The following MATCAP2 variants were observed in gnomAD, a reference collection of about 807,000 sequenced individuals.
MATCAP2 encodes the protein microtubule associated tyrosine carboxypeptidase 2, also known as putative tyrosine carboxypeptidase MATCAP2.
the MATCAP2 span, chr7:36,366,558 G>A: frequency 3.2e-6 from 3 of 941,836 alleles, no homozygotes; most frequent in Non-Finnish European, 4.6e-6. Context: ...TATTTTTTCT[G>A]AACATTCTAG....
At chr7:36,338,058 T>G in the MATCAP2 span, among the ~76,000 whole-genome samples, 1 of 152,138 alleles carries the variant, frequency 6.6e-6, no homozygotes, top group South Asian at 2.1e-4. Context: ...CTATATAGTG[T>G]GGCTTACTTT....
the MATCAP2 span, among the ~76,000 whole-genome samples, chr7:36,351,182 G>A: frequency 6.6e-6 from 1 of 152,098 alleles, no homozygotes; most frequent in Non-Finnish European, 1.5e-5. Flanking sequence ...GATCACCTGA[G>A]GTCAGGAGTT....
At chr7:36,383,803 A>C in the MATCAP2 span, 7 of 1,173,008 alleles carry the variant, frequency 6.0e-6, no homozygotes, top group African/African-American at 1.6e-5. Context: ...TCCAGAACTT[A>C]AAGTATAATA....
chr7:36,372,135 A>T, the MATCAP2 span, among the ~76,000 whole-genome samples: 2 of 152,232 alleles, frequency 1.3e-5, no homozygotes, highest in Non-Finnish European at 1.5e-5. Flanking sequence ...CACAAAAAGA[A>T]TTAGAACATT....
At chr7:36,335,518 T>C in the MATCAP2 span, among the ~76,000 whole-genome samples, 1 of 152,220 alleles carries the variant, frequency 6.6e-6, no homozygotes, top group Non-Finnish European at 1.5e-5. Flanking sequence ...ATCCAGCTCA[T>C]TGGCAGCACC....
chr7:36,330,093 T>TA, the MATCAP2 span, among the ~76,000 whole-genome samples: 1 of 151,256 alleles, frequency 6.6e-6, no homozygotes, highest in East Asian at 1.9e-4. Context: ...ATTTATTTAT[T>TA]TATTTTTCTG....
chr7:36,350,307 T>C, the MATCAP2 span, among the ~76,000 whole-genome samples: 285 of 152,330 alleles, frequency 1.9e-3, 4 homozygotes, highest in Middle Eastern at 6.8e-3. Flanking sequence ...CTATTATGTG[T>C]TTTAATATAA....
the MATCAP2 span, among the ~76,000 whole-genome samples, chr7:36,383,568 A>T: frequency 6.6e-6 from 1 of 152,218 alleles, no homozygotes; most frequent in African/African-American, 2.4e-5. Context: ...CAGGAACAGA[A>T]AACCAAACAC....
At chr7:36,382,296 T>C in the MATCAP2 span, among the ~76,000 whole-genome samples, 1 of 67,828 alleles carries the variant, frequency 1.5e-5, no homozygotes. Flanking sequence ...ACAGCGTCTG[T>C]CTCAAAAAAA....
chr7:36,341,660 T>G, the MATCAP2 span, among the ~76,000 whole-genome samples: 1 of 152,102 alleles, frequency 6.6e-6, no homozygotes, highest in African/African-American at 2.4e-5. Context: ...CCCAGCACCT[T>G]GAGAGACCAA....
the MATCAP2 span, among the ~76,000 whole-genome samples, chr7:36,354,551 T>A: frequency 6.6e-6 from 1 of 152,190 alleles, no homozygotes; most frequent in Non-Finnish European, 1.5e-5. Flanking sequence ...CTGGCCCCTT[T>A]GGGTATCATG....
the MATCAP2 span, among the ~76,000 whole-genome samples, chr7:36,339,367 C>G: frequency 6.6e-6 from 1 of 152,232 alleles, no homozygotes; most frequent in Non-Finnish European, 1.5e-5. Flanking sequence ...AAAACTGTTA[C>G]TGAAAGCCTT....
the MATCAP2 span, among the ~76,000 whole-genome samples, chr7:36,379,645 G>A: frequency 7.4e-4 from 112 of 151,942 alleles, no homozygotes; most frequent in Non-Finnish European, 1.3e-3. Flanking sequence ...ACTTACTGAT[G>A]GGGATATGTT....
chr7:36,342,897 A>G, the MATCAP2 span, among the ~76,000 whole-genome samples: 1 of 152,172 alleles, frequency 6.6e-6, no homozygotes, highest in South Asian at 2.1e-4. Flanking sequence ...AAGTGTTAGA[A>G]TTATAGGCGT....
the MATCAP2 span, chr7:36,366,765 G>T: frequency 2.6e-6 from 4 of 1,534,788 alleles, no homozygotes; most frequent in South Asian, 3.6e-5. Flanking sequence ...GGTTTTTCGC[G>T]AGCGCCTCCT....
At chr7:36,344,510 C>T in the MATCAP2 span, among the ~76,000 whole-genome samples, 13 of 152,122 alleles carry the variant, frequency 8.5e-5, no homozygotes, top group Middle Eastern at 3.2e-3. Flanking sequence ...CCACACTTTT[C>T]TAAGTTTTTA....
At chr7:36,388,031 A>T in the MATCAP2 span, among the ~76,000 whole-genome samples, 1 of 152,164 alleles carries the variant, frequency 6.6e-6, no homozygotes, top group Non-Finnish European at 1.5e-5. Flanking sequence ...ACAGTGTCTT[A>T]TTACTTATTA....
the MATCAP2 span, among the ~76,000 whole-genome samples, chr7:36,361,530 G>T: frequency 5.3e-5 from 8 of 151,984 alleles, no homozygotes; most frequent in African/African-American, 1.9e-4. Context: ...CAAAAGAAAG[G>T]CCAAAACAAA....
At chr7:36,359,543 C>T in the MATCAP2 span, among the ~76,000 whole-genome samples, 1 of 152,108 alleles carries the variant, frequency 6.6e-6, no homozygotes, top group East Asian at 1.9e-4. Flanking sequence ...TAAAAGATAA[C>T]ATAAAGGTAT....
Sources: allele counts gnomAD v4.1 joint callset (sites outside exome capture counted in the v4.1 genomes callset), GRCh38; gene constraint gnomAD v4.1.1; transcripts MANE v1.5; gene names NCBI Gene and HGNC (gene_info 2026-07-23, HGNC 2026-07-21).